PYCR3: variants seen among roughly 807,000 people sequenced by gnomAD.
The protein encoded by PYCR3 is P5C reductase 3.
In PYCR3, 26 loss-of-function variants were observed where a neutral mutation model predicts 23.4. The observed-to-expected ratio is 1.11, with a 90% CI of 0.81 to 1.54. PYCR3 has a LOEUF of 1.54. Among genes scored for constraint, PYCR3 ranks in the 40% most tolerant of loss-of-function variants. PYCR3 has a pLI of 0.00. For synonymous variants in PYCR3, 194 were observed against 162.6 expected, an observed-to-expected ratio of 1.19 and a Z score of -1.47; for missense variants, 360 against 376.3, an observed-to-expected ratio of 0.96 and a Z score of 0.36.
At position 143,606,212 on chromosome 8, in the gene PYCR3, C is replaced by T. The variant is rs1829395038; in HGVS notation, c.550-58G>A. On this transcript the variant is annotated intron_variant, in intron 4 of 5. Transcript: ENST00000495276. ...GGTGTCAAAGCCTGGGGGCTCAGGA[C>T]CTTCAGGAACAATGCCCAGAGCAGT... The T allele has an allele frequency of 2.7e-6, 4 of 1,501,184 alleles. No individual in the cohort carries two copies. In the Admixed American group the frequency reaches 5.8e-5, roughly 22 times the overall value. 93.0% of individuals were successfully genotyped at this position (1,501,184 alleles called of 1,614,324 possible).
At chr8:143,607,661 T>A (rs532156136) in intron 2 of PYCR3, among the ~76,000 whole-genome samples, 1 of 151,880 alleles carries the variant, frequency 6.6e-6, no homozygotes, top group East Asian at 1.9e-4. Flanking sequence ...CATGCACTCA[T>A]GAGCATGCAC....
chr8:143,609,409 C>A (rs1412593373), intron 1 of PYCR3, 49 bp downstream of exon 1: 1 of 1,435,966 alleles, frequency 7.0e-7, no homozygotes, highest in South Asian at 1.4e-5. Context: ...ACACCTCCCA[C>A]GGGGCTGCTC....
At chr8:143,606,373 A>T in intron 4 of PYCR3, 94 bp downstream of exon 4, 1 of 1,385,618 alleles carries the variant, frequency 7.2e-7, no homozygotes. Context: ...GCAGGCCTCA[A>T]GGTTGGACTC....
At position 143,603,564 on chromosome 8, in the gene PYCR3, G is replaced by C. The variant is rs1307566534; in HGVS notation, c.*2136C>G. On this transcript the variant is annotated 3_prime_UTR_variant, in exon 6 of 6. Coordinates refer to ENST00000495276, the MANE Select transcript of PYCR3 (RefSeq NM_023078.6). Reference sequence around the variant, plus strand: ...GGGCTTGTCAGAGGTCCCAGGGGGAGACAGGTGTTGGTGCAAAGTCAATGA... The same window carrying C: ...GGGCTTGTCAGAGGTCCCAGGGGGACACAGGTGTTGGTGCAAAGTCAATGA... Among the ~76,000 whole-genome samples the C allele has an allele frequency of 6.6e-6, 1 of 152,218 alleles. No individual in the cohort carries two copies. The highest frequency in any genetic ancestry group is 1.5e-5 in the Non-Finnish European group (1 of 68,038).
chr8:143,608,060 A>C lies in PYCR3; in HGVS notation c.156+2T>G, dbSNP rs777128117. 4 of 1,611,586 alleles carry C rather than the reference A, an allele frequency of 2.5e-6. No individual in the cohort carries two copies. Among genetic ancestry groups the C allele is most frequent in the Non-Finnish European group, 2.5e-6 (3 of 1,177,886 alleles). ...TATGAAGAACCTGGGCTCTATGCTCACTTGAAAGTGACATAGGTTCCTGTC... is the reference window on the plus strand; with the variant it reads ...TATGAAGAACCTGGGCTCTATGCTCCCTTGAAAGTGACATAGGTTCCTGTC... On this transcript the variant is annotated splice_donor_variant, in intron 2 of 5. Coordinates refer to ENST00000495276, the MANE Select transcript of PYCR3 (RefSeq NM_023078.6). LOFTEE classifies it high-confidence loss of function.
In PYCR3 at chr8:143,605,866, A is replaced by G; in HGVS notation, c.659T>C (p.Leu220Pro). Residue 220 changes from leucine to proline, a missense_variant, in exon 6 of 6, where the codon CTG becomes CCG. Transcript: ENST00000495276. The part of the protein sequence containing the change: ...AQTLLGTAKM[L>P]LHEGQHPAQL... The stretch of plus-strand genomic sequence containing the variant: ...GGCTGGGTGTTGGCCCTCGTGCAGC[A>G]GCATCTTGGCCGTCCCCTGAGGAGA... The G allele has an allele frequency of 1.2e-6, 2 of 1,608,872 alleles. No individual in the cohort carries two copies. The highest frequency in any genetic ancestry group is 2.2e-5 in the East Asian group (1 of 44,770).
rs375718982 is a variant in PYCR3 at position 143,606,085 on chromosome 8, G to A, written c.619C>T (p.Arg207Cys). The A allele has an allele frequency of 1.8e-5, 29 of 1,609,888 alleles. No individual in the cohort carries two copies. Among genetic ancestry groups the A allele is most frequent in the African/African-American group, 6.7e-5 (5 of 74,904 alleles). Residue 207 changes from arginine (R) to cysteine (C), a missense_variant, in exon 5 of 6, where the codon CGC becomes TGC. Physicochemically the swap from Arg to Cys is radical, Grantham distance 180. Transcript: ENST00000495276. ...ACCAGCAGGGTCTGGGCAGCGATGC[G>A]GTGGGCCAGGCTGCTGGGCATGCCC... ...KMGMPSSLAH[R>C]IAAQTLLGTA...
At chr8:143,608,686 C>T (rs988964065) in intron 1 of PYCR3, 5 of 373,778 alleles carry the variant, frequency 1.3e-5, no homozygotes, top group African/African-American at 8.4e-5. Context: ...ACAACCTGAA[C>T]ACAGCAATTA....
intron 1 of PYCR3, chr8:143,608,697 A>G (rs1283974538): frequency 2.6e-6 from 1 of 381,568 alleles, no homozygotes; most frequent in Non-Finnish European, 5.4e-6. Flanking sequence ...ACAGCAATTA[A>G]TCATGACAGT....
chr8:143,608,025 C>G (rs367970643), intron 2 of PYCR3, 37 bp downstream of exon 2: 2 of 1,525,990 alleles, frequency 1.3e-6, no homozygotes, highest in African/African-American at 2.7e-5. Context: ...CTATCCTGGG[C>G]TCCTGAGGGT....
In PYCR3 at chr8:143,606,566, C is replaced by G. The variant is rs2242090; in HGVS notation, c.450G>C (p.Lys150Asn). 794,955 of 1,612,432 alleles carry G rather than the reference C, an allele frequency of 0.49. 204,644 individuals carry two copies. The highest frequency in any genetic ancestry group is 0.54 in the Non-Finnish European group (634,691 of 1,179,720). Reference protein sequence around the residue: ...RGRHVGSSETKLLQHLLEACG... With the variant: ...RGRHVGSSETNLLQHLLEACG... ...AGGCCTCCAGCAGATGCTGCAGGAGCTTGGTCTCGCTGCTCCCCACGTGGC... is the reference window on the plus strand; with the variant it reads ...AGGCCTCCAGCAGATGCTGCAGGAGGTTGGTCTCGCTGCTCCCCACGTGGC... Residue 150 changes from lysine to asparagine, a missense_variant, in exon 4 of 6, where the codon AAG becomes AAC. Physicochemically the swap from Lys to Asn is moderately conservative, Grantham distance 94 (BLOSUM62 0). Coordinates refer to ENST00000495276, the MANE Select transcript of PYCR3 (RefSeq NM_023078.6).
Position 143,605,790 on chromosome 8 carries a change from G to C in PYCR3, c.735C>G (p.Leu245=). The C allele has an allele frequency of 6.2e-7, 1 of 1,612,206 alleles. No individual in the cohort carries two copies. Among genetic ancestry groups the C allele is most frequent in the Non-Finnish European group, 8.5e-7 (1 of 1,179,698 alleles). Residue 245 remains leucine, a synonymous_variant, in exon 6 of 6, where the codon CTC becomes CTG. Transcript: ENST00000495276. ...GCAGCCCGCCCTGCTCCAGGGCGTG[G>C]AGTCCATAGATGGTGGTGCCACCCG... is the stretch of plus-strand genomic sequence containing the variant. ...CTPGGTTIYG[L]HALEQGGLRA...
intron 4 of PYCR3, 143 bp downstream of exon 4, chr8:143,606,324 G>C: frequency 9.2e-7 from 1 of 1,092,338 alleles, no homozygotes; most frequent in Non-Finnish European, 1.3e-6. Context: ...GAAGTCCCGG[G>C]GACAAGCAGA....
rs1028603252 is a variant in PYCR3 at position 143,604,507 on chromosome 8, A to G, written c.*1193T>C. The stretch of plus-strand genomic sequence containing the variant: ...TTTGCACTGGTGGATTGATCTGCTC[A>G]GGCGCACAGGGAGATGGCACAGCAG... On this transcript the variant is annotated 3_prime_UTR_variant, in exon 6 of 6. Coordinates refer to ENST00000495276, the MANE Select transcript of PYCR3 (RefSeq NM_023078.6). 3.6e-6 allele frequency: 1 copy of G among 280,076 alleles called. No individual in the cohort carries two copies. The highest frequency in any genetic ancestry group is 7.0e-6 in the Non-Finnish European group (1 of 143,140). 17.3% of individuals were successfully genotyped at this position (280,076 alleles called of 1,614,324 possible).
chr8:143,606,301 T>G (rs1829396413), intron 4 of PYCR3, 147 bp from the exon 5 acceptor site: 2 of 1,107,932 alleles, frequency 1.8e-6, no homozygotes, highest in African/African-American at 3.1e-5. Context: ...GCCTCAAAGA[T>G]CCCCAAGGCA....
rs1276436981 is a variant in PYCR3 at position 143,606,078 on chromosome 8, G to A, written c.626C>T (p.Ala209Val). ...GMPSSLAHRIAAQTLLGTAKM... is the reference protein window; with the variant it reads ...GMPSSLAHRIVAQTLLGTAKM... Reference sequence around the variant, plus strand: ...CTCACTCACCAGCAGGGTCTGGGCAGCGATGCGGTGGGCCAGGCTGCTGGG... The same window carrying A: ...CTCACTCACCAGCAGGGTCTGGGCAACGATGCGGTGGGCCAGGCTGCTGGG... Residue 209 changes from alanine to valine, a missense_variant, in exon 5 of 6, where the codon GCT (alanine) becomes GTT (valine). Coordinates refer to ENST00000495276, the MANE Select transcript of PYCR3 (RefSeq NM_023078.6). 2 of 1,609,184 alleles carry A rather than the reference G, an allele frequency of 1.2e-6. No individual in the cohort carries two copies. The highest frequency in any genetic ancestry group is 1.7e-6 in the Non-Finnish European group (2 of 1,178,424).
rs1387459834 is a variant in PYCR3 at position 143,607,097 on chromosome 8, C to T, written c.192G>A (p.Glu64=). Residue 64 remains glutamate (E), a synonymous_variant, in exon 3 of 6, where the codon GAG becomes GAA. Coordinates refer to ENST00000495276, the MANE Select transcript of PYCR3 (RefSeq NM_023078.6). ...LGCRTTHSNQ[E]VLQSCLLVIF... is the part of the protein sequence containing the mutation. ...TGACGAGCAGGCAGCTCTGCAGCAC[C>T]TCCTGGTTGGAGTGCGTGGTCCGGC... 6.2e-7 allele frequency: 1 copy of T among 1,606,886 alleles called. No individual in the cohort carries two copies. The highest frequency in any genetic ancestry group is 8.5e-7 in the Non-Finnish European group (1 of 1,177,088).
rs1401068772 is a variant in PYCR3, at chr8:143,609,571, C to G, written c.-23G>C. ...CATCTTGTTGCCTCGGACGCCGCTGCGCTCACCGCCCATCCACAGGCCGCG... is the reference window on the plus strand; with the variant it reads ...CATCTTGTTGCCTCGGACGCCGCTGGGCTCACCGCCCATCCACAGGCCGCG... On this transcript the variant is annotated 5_prime_UTR_variant, in exon 1 of 6. Transcript: ENST00000495276. The G allele has an allele frequency of 1.2e-5, 17 of 1,476,594 alleles. No individual in the cohort carries two copies. The East Asian group carries it at 3.9e-4, about 34-fold the overall frequency. The allele number at this position is 1,476,594 out of a possible 1,614,324, so 91.5% of individuals were successfully genotyped here.
chr8:143,606,926 C>G (rs777815321), intron 3 of PYCR3, 27 bp downstream of exon 3: 21 of 1,566,634 alleles, frequency 1.3e-5, no homozygotes, highest in Admixed American at 7.3e-5. Flanking sequence ...ATACTGGGAC[C>G]AAGGCCTTAG....
Sources: allele counts gnomAD v4.1 joint callset (sites outside exome capture counted in the v4.1 genomes callset), GRCh38; gene constraint gnomAD v4.1.1; transcripts MANE v1.5; gene names NCBI Gene and HGNC (gene_info 2026-07-23, HGNC 2026-07-21).